HDAC9: variants seen among roughly 807,000 people sequenced by gnomAD.
HDAC9 encodes the protein MEF-2 interacting transcription repressor (MITR) protein.
In HDAC9, 41 loss-of-function variants were observed where a neutral mutation model predicts 139.4. The observed-to-expected ratio is 0.29, with a 90% CI of 0.23 to 0.38. HDAC9 has a LOEUF of 0.38. HDAC9 is among the 10% of genes least tolerant of loss of function. The probability of loss-of-function intolerance (pLI) is 1.00; values close to 1 mark genes in which losing one functional copy is unlikely to be tolerated. For synonymous variants in HDAC9, 517 were observed against 476.2 expected (o/e 1.09, Z -1.12); for missense variants, 1,147 against 1,297.0 (o/e 0.88, Z 1.78).
intron 21 of HDAC9, among the ~76,000 whole-genome samples, chr7:18,843,609 A>ATTGG (rs1440582833): frequency 1.3e-5 from 2 of 152,084 alleles, no homozygotes. Context: ...CCTTTACTTC[A>ATTGG]TTGAACAGCT....
intron 1 of HDAC9, among the ~76,000 whole-genome samples, chr7:18,487,150 G>A (rs892086094): frequency 2.6e-5 from 4 of 151,940 alleles, no homozygotes; most frequent in African/African-American, 9.7e-5. Context: ...AGAGAGTGAT[G>A]CCTAAAATAA....
intron 21 of HDAC9, among the ~76,000 whole-genome samples, chr7:18,862,998 T>G (rs2129235821): frequency 6.6e-6 from 1 of 152,302 alleles, no homozygotes; most frequent in African/African-American, 2.4e-5. Context: ...TAAATGAGCA[T>G]TTGCATATTC....
chr7:18,523,999 C>T (rs1387473579), intron 2 of HDAC9, among the ~76,000 whole-genome samples: 5 of 149,640 alleles, frequency 3.3e-5, no homozygotes, highest in Non-Finnish European at 7.4e-5. Context: ...GATTGACTAT[C>T]ACAAAATGAA....
chr7:18,469,336 A>G (rs1471176302), intron 1 of HDAC9, among the ~76,000 whole-genome samples: 1 of 152,216 alleles, frequency 6.6e-6, no homozygotes, highest in Non-Finnish European at 1.5e-5. Context: ...ACTTTATATT[A>G]TTATTCACCA....
At chr7:18,419,013 A>G (rs572206865) in intron 1 of HDAC9, among the ~76,000 whole-genome samples, 4 of 152,182 alleles carry the variant, frequency 2.6e-5, no homozygotes, top group East Asian at 1.9e-4. Context: ...TTTAGGGACA[A>G]TGGCACATGT....
intron 21 of HDAC9, among the ~76,000 whole-genome samples, chr7:18,854,914 A>G (rs1006342535): frequency 2.6e-5 from 4 of 152,176 alleles, no homozygotes; most frequent in African/African-American, 9.6e-5. Flanking sequence ...GGTAGGCAAC[A>G]TGGTGAGTGC....
chr7:18,191,452 A>G (rs1790344776), intron 2 of HDAC9, among the ~76,000 whole-genome samples: 1 of 152,184 alleles, frequency 6.6e-6, no homozygotes, highest in African/African-American at 2.4e-5. Context: ...ACGGTTTCTC[A>G]ATTCCTGAGA....
At chr7:18,262,191 G>A (rs1795725259) in intron 2 of HDAC9, among the ~76,000 whole-genome samples, 1 of 152,178 alleles carries the variant, frequency 6.6e-6, no homozygotes, top group South Asian at 2.1e-4. Flanking sequence ...AAACATAGGG[G>A]AGTAAGGAAG....
At chr7:18,493,734 A>T (rs1016062247), upstream of HDAC9, among the ~76,000 whole-genome samples, 1 of 151,918 alleles carries the variant, frequency 6.6e-6, no homozygotes, top group East Asian at 1.9e-4. Flanking sequence ...TTTGTCAAAT[A>T]TACCGCAATT....
At chr7:18,905,290 T>C (rs901302548) in intron 22 of HDAC9, among the ~76,000 whole-genome samples, 2 of 152,240 alleles carry the variant, frequency 1.3e-5, no homozygotes, top group African/African-American at 4.8e-5. Flanking sequence ...TTGCCATATA[T>C]CTCTTACCAG....
chr7:18,738,682 TG>T (rs1460945978), intron 13 of HDAC9, among the ~76,000 whole-genome samples: 2 of 152,232 alleles, frequency 1.3e-5, no homozygotes, highest in African/African-American at 4.8e-5. Context: ...TGTGTCTGGC[TG>T]CCCTTAACAC....
intron 21 of HDAC9, among the ~76,000 whole-genome samples, chr7:18,843,576 T>G (rs1796719761): frequency 6.6e-6 from 1 of 152,100 alleles, no homozygotes; most frequent in Non-Finnish European, 1.5e-5. Flanking sequence ...GATAAAGCTC[T>G]CGCTCAATTA....
chr7:18,290,187 G>C (rs1286440248), upstream of HDAC9: 8 of 245,214 alleles, frequency 3.3e-5, no homozygotes, highest in East Asian at 3.5e-4. Context: ...TAGTCTATTA[G>C]GCTTCTTATT....
intron 12 of HDAC9, chr7:18,668,272 C>A: frequency 1.0e-6 from 1 of 959,084 alleles, no homozygotes; most frequent in Non-Finnish European, 1.2e-6. Context: ...GGAACACTCC[C>A]TATCACCAAC....
At chr7:18,989,992 C>T (rs113458467) in intron 25 of HDAC9, among the ~76,000 whole-genome samples, 4 of 151,776 alleles carry the variant, frequency 2.6e-5, no homozygotes, top group African/African-American at 4.8e-5. Flanking sequence ...CTTTGCCTTT[C>T]GTTTGAATGT....
At chr7:18,771,625 A>G (rs1790302199) in intron 16 of HDAC9, among the ~76,000 whole-genome samples, 2 of 152,028 alleles carry the variant, frequency 1.3e-5, no homozygotes, top group Admixed American at 1.3e-4. Context: ...TCTATTTTAC[A>G]CCACATGTGT....
intron 2 of HDAC9, among the ~76,000 whole-genome samples, chr7:18,233,395 T>C (rs1250628474): frequency 3.4e-5 from 5 of 148,424 alleles, no homozygotes; most frequent in African/African-American, 1.2e-4. Context: ...GCGGTTTCAG[T>C]ACTGATGAGA....
intron 1 of HDAC9, among the ~76,000 whole-genome samples, chr7:18,107,817 T>C (rs918834075): frequency 1.2e-4 from 18 of 152,326 alleles, no homozygotes; most frequent in Middle Eastern, 3.4e-3. Flanking sequence ...TGGTAGATAG[T>C]GGCTGGTTAA....
At chr7:18,893,580 A>G (rs1489044316) in intron 22 of HDAC9, among the ~76,000 whole-genome samples, 1 of 152,178 alleles carries the variant, frequency 6.6e-6, no homozygotes, top group Non-Finnish European at 1.5e-5. Context: ...CAACTGCCCA[A>G]TAGCCATTCA....
Sources: allele counts gnomAD v4.1 joint callset (sites outside exome capture counted in the v4.1 genomes callset), GRCh38; gene constraint gnomAD v4.1.1; transcripts MANE v1.5; gene names NCBI Gene and HGNC (gene_info 2026-07-23, HGNC 2026-07-21).